SEL1L3: variants seen among roughly 807,000 people sequenced by gnomAD.
SEL1L3 encodes the protein protein sel-1 homolog 3.
Under a neutral mutation model 142.8 loss-of-function variants are expected in SEL1L3, and 76 were observed. The observed-to-expected ratio is 0.53, with a 90% CI of 0.44 to 0.64. The LOEUF (loss-of-function observed/expected upper bound fraction) is 0.64. SEL1L3 is among the 30% of genes least tolerant of loss of function. The pLI is 0.00. For synonymous variants in SEL1L3, 504 were observed against 519.6 expected (o/e 0.97, Z 0.41); for missense variants, 1,262 against 1,381.7 (o/e 0.91, Z 1.37).
intron 20 of SEL1L3, among the ~76,000 whole-genome samples, chr4:25,764,808 G>T (rs1225975180): frequency 6.6e-6 from 1 of 152,180 alleles, no homozygotes; most frequent in African/African-American, 2.4e-5. Flanking sequence ...GATTATGTGA[G>T]AATGGCGTGG....
intron 15 of SEL1L3, 90 bp downstream of exon 15, chr4:25,782,152 G>T (rs1720044592): frequency 2.7e-6 from 3 of 1,131,296 alleles, no homozygotes; most frequent in Non-Finnish European, 3.9e-6. Flanking sequence ...TGTGTCTGGG[G>T]TTGGGTCTGG....
At chr4:25,769,087 A>G (rs1420995325) in intron 17 of SEL1L3, among the ~76,000 whole-genome samples, 1 of 152,154 alleles carries the variant, frequency 6.6e-6, no homozygotes, top group Non-Finnish European at 1.5e-5. Context: ...GTAGTTTCTT[A>G]CATCTTATTT....
intron 2 of SEL1L3, among the ~76,000 whole-genome samples, chr4:25,842,308 AG>A (rs1716219623): frequency 6.7e-6 from 1 of 149,964 alleles, no homozygotes; most frequent in African/African-American, 2.5e-5. Context: ...AAATTTGAGC[AG>A]GCTGTTGAAA....
At chr4:25,731,733 G>T in the SEL1L3 span, among the ~76,000 whole-genome samples, 2 of 152,032 alleles carry the variant, frequency 1.3e-5, no homozygotes, top group African/African-American at 2.4e-5. Flanking sequence ...CAGACTTCTT[G>T]TTCATGGGCA....
At chr4:25,731,780 G>C in the SEL1L3 span, among the ~76,000 whole-genome samples, 1 of 152,228 alleles carries the variant, frequency 6.6e-6, no homozygotes, top group East Asian at 1.9e-4. Context: ...ATTACAAAGA[G>C]AGCTGCTATG....
At chr4:25,830,016 C>A in intron 6 of SEL1L3, 82 bp downstream of exon 6, 1 of 842,118 alleles carries the variant, frequency 1.2e-6, no homozygotes, top group East Asian at 2.6e-5. Context: ...TGTGGAATAA[C>A]ATTAGGGCTG....
chr4:25,845,906 G>GA (rs1284932148), intron 2 of SEL1L3, among the ~76,000 whole-genome samples: 1 of 152,164 alleles, frequency 6.6e-6, no homozygotes, highest in Non-Finnish European at 1.5e-5. Flanking sequence ...CTGGCCCACA[G>GA]GTTCTCAAGT....
intron 11 of SEL1L3, among the ~76,000 whole-genome samples, chr4:25,793,189 G>A (rs762207738): frequency 1.3e-5 from 2 of 152,190 alleles, no homozygotes; most frequent in East Asian, 1.9e-4. Flanking sequence ...AAGCCGGCTG[G>A]TTGTGGGGCC....
chr4:25,785,723 A>G (rs6839819), intron 13 of SEL1L3, among the ~76,000 whole-genome samples: 92,259 of 152,102 alleles, frequency 0.61, 29,135 homozygotes, highest in African/African-American at 0.79. Flanking sequence ...GTAACTGGAG[A>G]GGGGAGGAGA....
chr4:25,781,504 G>T (rs138638119), intron 15 of SEL1L3, among the ~76,000 whole-genome samples: 2 of 152,224 alleles, frequency 1.3e-5, no homozygotes, highest in African/African-American at 4.8e-5. Context: ...CAGGCGTGGT[G>T]GTGCACGCCT....
chr4:25,850,144 T>C (rs548745142), intron 1 of SEL1L3, among the ~76,000 whole-genome samples: 6 of 152,160 alleles, frequency 3.9e-5, no homozygotes, highest in Admixed American at 3.9e-4. Context: ...AAAAGAAAAG[T>C]AGAGTTTGGC....
At chr4:25,830,056 G>T (rs35795408) in intron 6 of SEL1L3, 42 bp downstream of exon 6, 4 of 1,316,272 alleles carry the variant, frequency 3.0e-6, no homozygotes, top group Non-Finnish European at 4.4e-6. Context: ...TCCTTAACTC[G>T]CATGCAGGCA....
intron 9 of SEL1L3, among the ~76,000 whole-genome samples, chr4:25,814,645 C>A (rs902253560): frequency 5.3e-5 from 8 of 150,832 alleles, no homozygotes; most frequent in Non-Finnish European, 1.0e-4. Flanking sequence ...ACGCTGTGGG[C>A]AGGAAGAACT....
chr4:25,756,048 CA>C, intron 23 of SEL1L3: 1 of 985,378 alleles, frequency 1.0e-6, no homozygotes, highest in Non-Finnish European at 1.2e-6. Context: ...AATGATTTCG[CA>C]TTAGCTTCTT....
At position 25,747,670 on chromosome 4, in the gene SEL1L3, G is replaced by A. The variant is rs992030760; in HGVS notation, c.*755C>T. On this transcript the variant is annotated 3_prime_UTR_variant, in exon 24 of 24. Coordinates refer to ENST00000399878, the MANE Select transcript of SEL1L3 (RefSeq NM_015187.5). ...GAAACTATAAGCTAGAGGCTTACTT[G>A]CTGCATATTCCGTTGCTGCCAGTCT... is the stretch of plus-strand genomic sequence containing the variant. The A allele has an allele frequency of 6.6e-6, 1 of 152,168 alleles. No individual in the cohort carries two copies. The highest frequency in any genetic ancestry group is 1.5e-5 in the Non-Finnish European group (1 of 68,054). 9.4% of individuals were successfully genotyped at this position (152,168 alleles called of 1,614,324 possible).
In SEL1L3 at chr4:25,847,317, A is replaced by G; in HGVS notation, c.710T>C (p.Ile237Thr). ...GYIWNLRANRIPQCPLENDVV... is the reference protein window; with the variant it reads ...GYIWNLRANRTPQCPLENDVV... ...ACCATTTTCCAGAGGACACTGTGGA[A>G]TCCTGTTTGCCCGAAGGTTCCAAAT... The change falls in exon 2 of 24, where the codon ATT becomes ACT. Residue 237 changes from isoleucine (I) to threonine (T), a missense_variant. By Grantham distance (89) the Ile-to-Thr change is moderately conservative. Coordinates refer to ENST00000399878, the MANE Select transcript of SEL1L3 (RefSeq NM_015187.5). 2 of 1,613,652 alleles carry G rather than the reference A, an allele frequency of 1.2e-6. No homozygotes were observed. Among genetic ancestry groups the G allele is most frequent in the Non-Finnish European group, 1.7e-6 (2 of 1,179,684 alleles).
chr4:25,752,122 A>C (rs911682550), intron 23 of SEL1L3, among the ~76,000 whole-genome samples: 2 of 150,148 alleles, frequency 1.3e-5, no homozygotes, highest in Admixed American at 1.3e-4. Flanking sequence ...AAAAAAAAAA[A>C]AATAGTTGAA....
At chr4:25,726,230 A>G in the SEL1L3 span, among the ~76,000 whole-genome samples, 2 of 37,304 alleles carry the variant, frequency 5.4e-5, no homozygotes, top group East Asian at 1.2e-3. Flanking sequence ...TCTTGGGTTA[A>G]AAAAAAAAAA....
At chr4:25,816,147 T>C (rs1714377793) in intron 9 of SEL1L3, among the ~76,000 whole-genome samples, 1 of 147,540 alleles carries the variant, frequency 6.8e-6, no homozygotes, top group East Asian at 1.9e-4. Flanking sequence ...ATAATATACA[T>C]ATATTATATA....
Sources: gnomAD v4.1 joint callset for allele counts (sites outside exome capture counted in the v4.1 genomes callset) on GRCh38, gnomAD v4.1.1 for gene constraint, MANE v1.5 for transcripts, NCBI Gene and HGNC (gene_info 2026-07-23, HGNC 2026-07-21) for gene names.